The following GRIN2D variants were observed in gnomAD, a reference collection of about 807,000 sequenced individuals.
The protein encoded by GRIN2D is glutamate ionotropic receptor NMDA type subunit 2D.
Under a neutral mutation model 103.2 loss-of-function variants are expected in GRIN2D, and 37 were observed. The observed-to-expected ratio is 0.36, with a 90% CI of 0.28 to 0.47. The LOEUF is 0.47. Among genes scored for constraint, GRIN2D ranks in the 20% least tolerant of loss-of-function variants. GRIN2D has a pLI of 1.00. For missense variants in GRIN2D, 1,557 were observed against 1,910.6 expected (o/e 0.81, Z 3.45); for synonymous variants, 845 against 885.6 (o/e 0.95, Z 0.81).
At chr19:48,413,889 C>T (rs1365061404) in intron 4 of GRIN2D, 102 bp from the exon 5 acceptor site, 3 of 709,050 alleles carry the variant, frequency 4.2e-6, no homozygotes, top group South Asian at 1.5e-5. Context: ...GAGATTCCAG[C>T]TGGGGGCTGG....
intron 11 of GRIN2D, among the ~76,000 whole-genome samples, chr19:48,430,128 T>C (rs1372535078): frequency 6.6e-6 from 1 of 152,210 alleles, no homozygotes; most frequent in Non-Finnish European, 1.5e-5. Context: ...ATGTTATGAC[T>C]ATGTAAATGC....
At chr19:48,441,662 C>G in intron 11 of GRIN2D, 107 bp from the exon 12 acceptor site, 1 of 828,010 alleles carries the variant, frequency 1.2e-6, no homozygotes. Flanking sequence ...AGCTCAGGGC[C>G]AGTTAGGATT....
chr19:48,434,560 C>T (rs926005797), intron 11 of GRIN2D, among the ~76,000 whole-genome samples: 1 of 151,748 alleles, frequency 6.6e-6, no homozygotes, highest in Non-Finnish European at 1.5e-5. Context: ...GCCTGGCCCA[C>T]TTCTTTTCTT....
At chr19:48,419,469 G>C in intron 9 of GRIN2D, 110 bp downstream of exon 9, 2 of 1,423,082 alleles carry the variant, frequency 1.4e-6, no homozygotes, top group Admixed American at 2.1e-5. Flanking sequence ...AGGGCCTCTC[G>C]GGAGGTGCCA....
chr19:48,442,523 G>A lies in GRIN2D; in HGVS notation c.2674-77G>A, dbSNP rs560537425. On this transcript the variant is annotated intron_variant, in intron 13 of 13. Coordinates refer to ENST00000263269, the MANE Select transcript of GRIN2D (RefSeq NM_000836.4). The surrounding 1 kb of genome is among the most constrained non-coding windows in gnomAD (Gnocchi z 7.2). ...GAAACACAGGCGGGTAAATGGAGAG[G>A]AGAGAGGGACTGAGGGGAGGCGGGC... is the stretch of plus-strand genomic sequence containing the variant. 2.7e-6 allele frequency: 4 copies of A among 1,486,292 alleles called. No homozygotes were observed. In the African/African-American group the frequency reaches 5.5e-5, roughly 21 times the overall value. The allele number at this position is 1,486,292 out of a possible 1,614,324, so 92.1% of individuals were successfully genotyped here. A position where few individuals can be genotyped will look rare whatever the true frequency, so the allele number is the denominator to read the frequency against.
intron 10 of GRIN2D, among the ~76,000 whole-genome samples, chr19:48,420,195 G>A (rs1202249027): frequency 2.0e-5 from 3 of 151,986 alleles, no homozygotes; most frequent in African/African-American, 7.3e-5. Flanking sequence ...TTGGGAGGCC[G>A]AGGCGGGCGG....
chr19:48,417,002 C>G (rs995218808), intron 8 of GRIN2D, among the ~76,000 whole-genome samples: 2 of 152,152 alleles, frequency 1.3e-5, no homozygotes, highest in Admixed American at 6.5e-5. Flanking sequence ...ACCTCAGCCT[C>G]CCAAAATGCT....
intron 11 of GRIN2D, among the ~76,000 whole-genome samples, chr19:48,424,289 G>A (rs1239545526): frequency 5.8e-5 from 2 of 34,290 alleles, no homozygotes; most frequent in African/African-American, 2.4e-4. Flanking sequence ...TTTTTTTTTT[G>A]AGACAGAGTC....
intron 8 of GRIN2D, among the ~76,000 whole-genome samples, chr19:48,417,443 G>A (rs986069255): frequency 6.6e-6 from 1 of 152,198 alleles, no homozygotes; most frequent in Non-Finnish European, 1.5e-5. Context: ...TGCTGAGCTG[G>A]AGAAGCGTAC....
chr19:48,396,759 G>A (rs1970648163), intron 2 of GRIN2D, among the ~76,000 whole-genome samples: 1 of 152,024 alleles, frequency 6.6e-6, no homozygotes, highest in Non-Finnish European at 1.5e-5. Context: ...GCAGGGGAGG[G>A]GTGGTGGACC....
intron 3 of GRIN2D, among the ~76,000 whole-genome samples, chr19:48,400,621 C>T (rs747648906): frequency 2.6e-5 from 4 of 152,160 alleles, no homozygotes; most frequent in Non-Finnish European, 5.9e-5. Context: ...ACGCCCATAG[C>T]ATTCTGGGAA....
At chr19:48,420,958 G>A (rs541073889) in intron 10 of GRIN2D, among the ~76,000 whole-genome samples, 1 of 152,190 alleles carries the variant, frequency 6.6e-6, no homozygotes, top group African/African-American at 2.4e-5. Context: ...ACCGTTTGTT[G>A]AGGGACTGGT....
chr19:48,442,689 C>G lies in GRIN2D; in HGVS notation c.2763C>G (p.Pro921=). ...AGCCCCTGCCCAGCCCCGCGTACCCCGCGCCGCGGCCGGCTCCCGGGCCCG... is the reference window on the plus strand; with the variant it reads ...AGCCCCTGCCCAGCCCCGCGTACCCGGCGCCGCGGCCGGCTCCCGGGCCCG... ...PPQPLPSPAY[P]APRPAPGPAP... The change falls in exon 14 of 14, where the codon CCC becomes CCG. Residue 921 remains proline (P), a synonymous_variant. Transcript: ENST00000263269. This position sits in a 1 kb window ranked among gnomAD's most constrained non-coding sequence, Gnocchi z 7.2. 8.4e-7 allele frequency: 1 copy of G among 1,194,952 alleles called. No homozygotes were observed. The highest frequency in any genetic ancestry group is 3.9e-5 in the East Asian group (1 of 25,512). The allele number at this position is 1,194,952 out of a possible 1,614,324, so 74.0% of individuals were successfully genotyped here.
chr19:48,437,582 G>A lies in GRIN2D; in HGVS notation c.2253-4187G>A, dbSNP rs117702575. ...AAATATTTCCACCACTGGAAGCCTT[G>A]ACTTTTAGCTTTCTCCAAAATGTAA... On this transcript the variant is annotated intron_variant, in intron 11 of 13. Coordinates refer to ENST00000263269, the MANE Select transcript of GRIN2D (RefSeq NM_000836.4). 7.5e-4 allele frequency among the ~76,000 whole-genome samples: 114 copies of A among 152,208 alleles called. No homozygotes were observed. The East Asian group carries it at 0.02, about 27-fold the overall frequency.
At position 48,442,470 on chromosome 19, in the gene GRIN2D, G is replaced by A; in HGVS notation, c.2673+88G>A. The A allele has an allele frequency of 1.3e-6, 2 of 1,536,974 alleles. No homozygotes were observed. The highest frequency in any genetic ancestry group is 2.3e-5 in the South Asian group (2 of 85,120). On this transcript the variant is annotated intron_variant, in intron 13 of 13. Transcript: ENST00000263269. This position sits in a 1 kb window ranked among gnomAD's most constrained non-coding sequence, Gnocchi z 7.2. ...GAGCAGAGACAAGGAGATGTGGGTC[G>A]AGATGTGGATAGTGGGGAAGAGAGC...
chr19:48,433,956 T>C (rs946125543), intron 11 of GRIN2D, among the ~76,000 whole-genome samples: 17 of 151,580 alleles, frequency 1.1e-4, no homozygotes, highest in East Asian at 5.8e-4. Context: ...CTTTTCTTTT[T>C]TTTTTTTTTT....
rs1254077789 is a variant in GRIN2D, at chr19:48,421,765, C to T, written c.2092-20C>T. 4 of 1,609,616 alleles carry T rather than the reference C, an allele frequency of 2.5e-6. No homozygotes were observed. In the African/African-American group the frequency reaches 5.4e-5, roughly 22 times the overall value. ...ATGTCCCTGCGGAGGGTGCCCTAAT[C>T]ACTCCCCATTCTGCCCCAGTTCCAG... is the stretch of plus-strand genomic sequence containing the variant. On this transcript the variant is annotated intron_variant, in intron 10 of 13. Coordinates refer to ENST00000263269, the MANE Select transcript of GRIN2D (RefSeq NM_000836.4). The surrounding 1 kb of genome is among the most constrained non-coding windows in gnomAD (Gnocchi z 4.8).
At chr19:48,434,185 C>T (rs979295904) in intron 11 of GRIN2D, among the ~76,000 whole-genome samples, 1 of 152,080 alleles carries the variant, frequency 6.6e-6, no homozygotes, top group African/African-American at 2.4e-5. Context: ...CTCCTGACCT[C>T]GTGATCCGCC....
rs1970603471 is a variant in GRIN2D, at chr19:48,394,239, AT to A, written c.-306+372del. On this transcript the variant is annotated intron_variant, in intron 1 of 13. Coordinates refer to ENST00000263269, the MANE Select transcript of GRIN2D (RefSeq NM_000836.4). The surrounding 1 kb of genome is among the most constrained non-coding windows in gnomAD (Gnocchi z 5.1). ...CAAGCTCTGGGGGTGTTGAGGGGGA[AT>A]CCCAGGGAAGTGAGATCGTGCGTGT... Among the ~76,000 whole-genome samples the A allele has an allele frequency of 6.6e-6, 1 of 151,610 alleles. No individual in the cohort carries two copies. The highest frequency in any genetic ancestry group is 2.4e-5 in the African/African-American group (1 of 41,250).
Sources: allele counts gnomAD v4.1 joint callset (sites outside exome capture counted in the v4.1 genomes callset), GRCh38; gene constraint gnomAD v4.1.1; non-coding constraint Gnocchi (gnomAD v3.1); transcripts MANE v1.5; gene names NCBI Gene and HGNC (gene_info 2026-07-23, HGNC 2026-07-21).